The following GLRA3 variants were observed in gnomAD, a reference collection of about 807,000 sequenced individuals.
The protein encoded by GLRA3 is glycine receptor alpha 3.
In GLRA3, 44 loss-of-function variants were observed where a neutral mutation model predicts 60.4. That is an observed-to-expected ratio of 0.73 (90% CI 0.57 to 0.94). GLRA3 has a LOEUF of 0.94. Among genes scored for constraint, GLRA3 ranks in the 40% least tolerant of loss-of-function variants. The pLI is 0.00. For missense variants in GLRA3, 508 were observed against 564.6 expected (o/e 0.90, Z 1.02); for synonymous variants, 223 against 192.9 (o/e 1.16, Z -1.29).
chr4:174,645,550 A>C (rs564751278), intron 9 of GLRA3, among the ~76,000 whole-genome samples: 2 of 152,270 alleles, frequency 1.3e-5, no homozygotes, highest in South Asian at 4.1e-4. Flanking sequence ...AGATGACCAA[A>C]ATTGATGCAG....
At chr4:174,679,524 C>T (rs1197120256) in intron 6 of GLRA3, among the ~76,000 whole-genome samples, 1 of 151,898 alleles carries the variant, frequency 6.6e-6, no homozygotes, top group Non-Finnish European at 1.5e-5. Context: ...ATAAAGGTAC[C>T]ATATGGACTA....
rs577771153 is a variant in GLRA3 at position 174,715,054 on chromosome 4, GGA to G, written c.574+432_574+433del. Among the ~76,000 whole-genome samples, 1,001 of 152,246 alleles carry G rather than the reference GGA, an allele frequency of 6.6e-3. 7 individuals are homozygous for G. The highest frequency in any genetic ancestry group is 0.023 in the African/African-American group (963 of 41,530). ...TTTGTCACTGTCACCTTTGTGAGTT[GGA>G]GCCGAATACTCAACCATTCAACATG... On this transcript the variant is annotated intron_variant, in intron 5 of 9. Transcript: ENST00000274093.
intron 3 of GLRA3, among the ~76,000 whole-genome samples, chr4:174,729,365 C>A (rs929854151): frequency 2.0e-5 from 3 of 152,058 alleles, no homozygotes; most frequent in African/African-American, 7.2e-5. Flanking sequence ...AATGAAAGCC[C>A]ATTTTCTCAT....
At position 174,637,336 on chromosome 4, in the gene GLRA3, C is replaced by T. The variant is rs1191046475; in HGVS notation, c.*6450G>A. ...TTTCTTTTTGTTTTGTTTTTCATAG[C>T]ATATCATATTATATCTGTAGAATGT... is the stretch of plus-strand genomic sequence containing the variant. On this transcript the variant is annotated 3_prime_UTR_variant, in exon 10 of 10. Transcript: ENST00000274093. 1 of 152,062 alleles carries T rather than the reference C, an allele frequency of 6.6e-6. No individual in the cohort carries two copies. The highest frequency in any genetic ancestry group is 2.4e-5 in the African/African-American group (1 of 41,406). The allele number at this position is 152,062 out of a possible 1,614,324, so 9.4% of individuals were successfully genotyped here. A position where few individuals can be genotyped will look rare whatever the true frequency, so the allele number is the denominator to read the frequency against.
Position 174,677,215 on chromosome 4 carries a change from TG to T in GLRA3, c.789del (p.Ser264ValfsTer3). On this transcript the variant is annotated frameshift_variant, in exon 7 of 10. Transcript: ENST00000274093. LOFTEE classifies it high-confidence loss of function. ...CAGGATAGAATAACAATCAGGAGAC[TG>T]GGAATGTACATCTGGATCAGATAGT... ...MGYYLIQMYI[P>X]SLLIVILSWV... 1 of 1,612,338 alleles carries T rather than the reference TG, an allele frequency of 6.2e-7. No homozygotes were observed. Among genetic ancestry groups the T allele is most frequent in the South Asian group, 1.1e-5 (1 of 91,030 alleles).
At chr4:174,762,897 A>G (rs1737991838) in intron 3 of GLRA3, among the ~76,000 whole-genome samples, 1 of 151,864 alleles carries the variant, frequency 6.6e-6, no homozygotes, top group South Asian at 2.1e-4. Context: ...GTTACCAACC[A>G]CCTCCCACCC....
At position 174,657,900 on chromosome 4, in the gene GLRA3, T is replaced by C. The variant is rs180891431; in HGVS notation, c.1072-1113A>G. Among the ~76,000 whole-genome samples the C allele has an allele frequency of 5.9e-5, 9 of 152,248 alleles. No individual in the cohort carries two copies. In the East Asian group the frequency reaches 1.5e-3, roughly 26 times the overall value. ...GCTGAATGCTGATGTTCTTTCCACG[T>C]AGCTGTTAATTGTGTGTTTATTGGA... On this transcript the variant is annotated intron_variant, in intron 8 of 9. Coordinates refer to ENST00000274093, the MANE Select transcript of GLRA3 (RefSeq NM_006529.4).
At chr4:174,680,198 C>T (rs1482964202) in intron 6 of GLRA3, among the ~76,000 whole-genome samples, 1 of 151,942 alleles carries the variant, frequency 6.6e-6, no homozygotes, top group Non-Finnish European at 1.5e-5. Flanking sequence ...AAGGGATACA[C>T]ACATGAACAC....
At chr4:174,755,468 A>G (rs912193663) in intron 3 of GLRA3, among the ~76,000 whole-genome samples, 12 of 152,152 alleles carry the variant, frequency 7.9e-5, no homozygotes, top group East Asian at 3.8e-4. Flanking sequence ...CATAAGGAGA[A>G]AAGGCAATTC....
chr4:174,654,238 C>T (rs989351327), intron 9 of GLRA3, among the ~76,000 whole-genome samples: 3 of 152,040 alleles, frequency 2.0e-5, no homozygotes, highest in Non-Finnish European at 4.4e-5. Flanking sequence ...TATATACGTA[C>T]GTTTGTGTTT....
intron 2 of GLRA3, among the ~76,000 whole-genome samples, chr4:174,777,878 A>T (rs963492095): frequency 3.9e-5 from 6 of 152,194 alleles, no homozygotes; most frequent in East Asian, 1.9e-4. Flanking sequence ...CTATTAATTT[A>T]AAAAAGTCAG....
At chr4:174,664,591 T>C (rs533561570) in intron 7 of GLRA3, among the ~76,000 whole-genome samples, 21 of 152,322 alleles carry the variant, frequency 1.4e-4, no homozygotes, top group Admixed American at 3.9e-4. Context: ...TATCAATTTC[T>C]GTTCTTCCTT....
intron 5 of GLRA3, among the ~76,000 whole-genome samples, chr4:174,713,406 C>G (rs377030076): frequency 6.6e-6 from 1 of 152,156 alleles, no homozygotes. Flanking sequence ...AACCCTCAGG[C>G]ACTGTACTTT....
intron 2 of GLRA3, among the ~76,000 whole-genome samples, chr4:174,777,440 A>G (rs1738644459): frequency 6.6e-6 from 1 of 152,254 alleles, no homozygotes; most frequent in Non-Finnish European, 1.5e-5. Context: ...CCAATTTGAA[A>G]AAGTCTACAT....
At chr4:174,745,753 T>C (rs957155474) in intron 3 of GLRA3, among the ~76,000 whole-genome samples, 1 of 151,198 alleles carries the variant, frequency 6.6e-6, no homozygotes, top group Non-Finnish European at 1.5e-5. Context: ...AGGTGACTAA[T>C]ATTTGGACCA....
chr4:174,669,043 C>T (rs1056931231), intron 7 of GLRA3, among the ~76,000 whole-genome samples: 2 of 151,792 alleles, frequency 1.3e-5, no homozygotes, highest in Admixed American at 6.6e-5. Context: ...TGAGATATGC[C>T]GAAAATGTCT....
intron 2 of GLRA3, among the ~76,000 whole-genome samples, chr4:174,776,000 A>G (rs1001902080): frequency 4.6e-5 from 7 of 152,054 alleles, no homozygotes; most frequent in African/African-American, 1.4e-4. Context: ...CTGCATGGAG[A>G]GGGGAAGGAG....
rs748387017 is a variant in GLRA3, at chr4:174,682,840, T to A, written c.674A>T (p.Glu225Val). ...LTLPQFLLKE[E>V]KDLRYCTKHY... is the part of the protein sequence containing the mutation. ...TTTAGTGCAGTATCGTAAATCTTTT[T>A]CTTCTTTCAACAGAAACTGGGGCAA... The change falls in exon 6 of 10, where the codon GAA (glutamate) becomes GTA (valine). Residue 225 changes from glutamate (E) to valine (V), a missense_variant. Transcript: ENST00000274093. The A allele has an allele frequency of 1.2e-6, 2 of 1,613,246 alleles. No homozygotes were observed. The highest frequency in any genetic ancestry group is 1.7e-6 in the Non-Finnish European group (2 of 1,179,312).
In GLRA3 at chr4:174,677,191, A is replaced by C; in HGVS notation, c.814T>G (p.Trp272Gly). 2 of 1,611,498 alleles carry C rather than the reference A, an allele frequency of 1.2e-6. No individual in the cohort carries two copies. The highest frequency in any genetic ancestry group is 1.7e-6 in the Non-Finnish European group (2 of 1,177,652). Residue 272 changes from tryptophan (W) to glycine (G), a missense_variant, in exon 7 of 10, where the codon TGG becomes GGG. By Grantham distance (184) the Trp-to-Gly change is radical. This residue lies in a region of GLRA3 where 329 missense variants were observed against 349.3 expected (regional missense o/e 0.94). Transcript: ENST00000274093. ...TCCATGTTGATCCAGAATGAAACCC[A>C]GGATAGAATAACAATCAGGAGACTG... ...IPSLLIVILSWVSFWINMDAA... is the reference protein window; with the variant it reads ...IPSLLIVILSGVSFWINMDAA...
Sources: allele counts gnomAD v4.1 joint callset (sites outside exome capture counted in the v4.1 genomes callset), GRCh38; gene constraint gnomAD v4.1.1; regional missense constraint gnomAD v4.1.1; transcripts MANE v1.5; gene names NCBI Gene and HGNC (gene_info 2026-07-23, HGNC 2026-07-21).